The following LITAF variants were observed in gnomAD, a reference collection of about 807,000 sequenced individuals.
LITAF encodes lipopolysaccharide induced TNF factor.
A neutral mutation model predicts 14.5 loss-of-function variants in LITAF; 9 were observed. The ratio of observed to expected loss-of-function variants is 0.62; its 90% confidence interval spans 0.37 to 1.08. The LOEUF is 1.08. Ranked by LOEUF, LITAF falls within the 50% of genes least tolerant of loss-of-function variation. The pLI, the probability that LITAF is intolerant of heterozygous loss-of-function variation, is 0.01. For missense variants in LITAF, 206 were observed against 213.4 expected, an observed-to-expected ratio of 0.97 and a Z score of 0.22; for synonymous variants, 98 against 88.2, an observed-to-expected ratio of 1.11 and a Z score of -0.62.
chr16:11,572,937 T>TTG (rs1225955859), intron 1 of LITAF, among the ~76,000 whole-genome samples: 1 of 151,298 alleles, frequency 6.6e-6, no homozygotes, highest in Non-Finnish European at 1.5e-5. Flanking sequence ...AAGCTCTTTT[T>TTG]TTTTTTTTTG....
intron 3 of LITAF, among the ~76,000 whole-genome samples, chr16:11,621,476 A>T (rs569903846): frequency 3.9e-5 from 6 of 152,302 alleles, no homozygotes; most frequent in African/African-American, 1.2e-4. Context: ...AAGTGCTGGG[A>T]TTACAGGCAT....
upstream of LITAF, among the ~76,000 whole-genome samples, chr16:11,591,064 G>C (rs752827682): frequency 2.4e-4 from 28 of 118,472 alleles, 7 homozygotes; most frequent in Non-Finnish European, 4.7e-4. Flanking sequence ...CAAAATTCCA[G>C]CTGCCTTTTT....
chr16:11,595,712 G>C (rs1034860177), intron 1 of LITAF, among the ~76,000 whole-genome samples: 1 of 152,182 alleles, frequency 6.6e-6, no homozygotes, highest in South Asian at 2.1e-4. Context: ...CTGGGCGACA[G>C]AGTGAGACTC....
chr16:11,556,036 G>A lies in LITAF; in HGVS notation c.220+475C>T, dbSNP rs146969051. ...CCTTGGGCGGAAGGAAGCACCAAAG[G>A]ACAGGGACCATCTAGTTGCTCAAAA... is the stretch of plus-strand genomic sequence containing the variant. On this transcript the variant is annotated intron_variant, in intron 2 of 3. Transcript: ENST00000622633. Among the ~76,000 whole-genome samples the A allele has an allele frequency of 9.8e-5, 15 of 152,310 alleles. No individual in the cohort carries two copies. The East Asian group carries it at 2.9e-3, about 29-fold the overall frequency.
At chr16:11,563,181 C>T (rs1376638743) in intron 1 of LITAF, among the ~76,000 whole-genome samples, 1 of 151,832 alleles carries the variant, frequency 6.6e-6, no homozygotes, top group African/African-American at 2.4e-5. Flanking sequence ...CAGAGTCTCA[C>T]TCTGTCGCCT....
chr16:11,594,171 G>C (rs535490100), intron 1 of LITAF, among the ~76,000 whole-genome samples: 2 of 144,338 alleles, frequency 1.4e-5, no homozygotes, highest in South Asian at 4.3e-4. Context: ...GGGTGACAAA[G>C]TGAGACCCTG....
At chr16:11,603,694 T>C (rs1415936190) in intron 3 of LITAF, among the ~76,000 whole-genome samples, 2 of 152,188 alleles carry the variant, frequency 1.3e-5, no homozygotes, top group Non-Finnish European at 2.9e-5. Context: ...TGCAATTGTG[T>C]TTCCAGCTTA....
chr16:11,612,538 G>A (rs971875332), intron 3 of LITAF, among the ~76,000 whole-genome samples: 1 of 152,260 alleles, frequency 6.6e-6, no homozygotes, highest in Non-Finnish European at 1.5e-5. Context: ...AAACTGCACT[G>A]CATGCGGCCA....
At chr16:11,584,386 T>A (rs575749369) in intron 1 of LITAF, 1 of 152,310 alleles carries the variant, frequency 6.6e-6, no homozygotes, top group African/African-American at 2.4e-5. Context: ...ATTCTCAAAG[T>A]GCTATTATAC....
intron 1 of LITAF, among the ~76,000 whole-genome samples, chr16:11,571,849 G>T (rs1295618276): frequency 2.6e-5 from 4 of 152,130 alleles, no homozygotes; most frequent in Non-Finnish European, 4.4e-5. Flanking sequence ...TGTAGTCCCA[G>T]CACTTTGGGA....
intron 3 of LITAF, among the ~76,000 whole-genome samples, chr16:11,617,322 T>C (rs1306569087): frequency 6.6e-6 from 1 of 151,970 alleles, no homozygotes; most frequent in Non-Finnish European, 1.5e-5. Context: ...TGTATGAAAA[T>C]GTCCCCCAGG....
At chr16:11,619,368 C>T (rs2065036588) in intron 3 of LITAF, among the ~76,000 whole-genome samples, 1 of 151,960 alleles carries the variant, frequency 6.6e-6, no homozygotes, top group African/African-American at 2.4e-5. Context: ...GACACATCTC[C>T]ACATGGCATG....
At chr16:11,620,275 A>T (rs1199970674) in intron 3 of LITAF, among the ~76,000 whole-genome samples, 2 of 152,096 alleles carry the variant, frequency 1.3e-5, no homozygotes, top group African/African-American at 2.4e-5. Flanking sequence ...ATCCCCCATG[A>T]TTGGCTTGGG....
chr16:11,569,439 G>A (rs1438318335), intron 1 of LITAF, among the ~76,000 whole-genome samples: 1 of 151,766 alleles, frequency 6.6e-6, no homozygotes, highest in Non-Finnish European at 1.5e-5. Flanking sequence ...ATGAGGTCTC[G>A]CCATGTTGCC....
Position 11,553,953 on chromosome 16 carries a change from G to A in LITAF, c.221-264C>T, listed in dbSNP as rs531370494. Among the ~76,000 whole-genome samples the A allele has an allele frequency of 1.1e-4, 16 of 152,246 alleles. No homozygotes were observed. Among genetic ancestry groups the A allele is most frequent in the African/African-American group, 2.2e-4 (9 of 41,556 alleles). Reference sequence around the variant, plus strand: ...TCAGCCTCAAAAAGAAAGGAGGACCGGGCGCGGTAGCTCATGCCTGTAATC... The same window carrying A: ...TCAGCCTCAAAAAGAAAGGAGGACCAGGCGCGGTAGCTCATGCCTGTAATC... On this transcript the variant is annotated intron_variant, in intron 2 of 3. Transcript: ENST00000622633. This position sits in a 1 kb window ranked among gnomAD's most constrained non-coding sequence, Gnocchi z 7.7.
At chr16:11,622,038 C>A (rs927729005) in intron 3 of LITAF, among the ~76,000 whole-genome samples, 2 of 152,160 alleles carry the variant, frequency 1.3e-5, no homozygotes, top group East Asian at 3.9e-4. Context: ...AAACAAAACA[C>A]GTCTGCAGGC....
chr16:11,587,195 ATCCT>A (rs2064817848), upstream of LITAF: 8 of 332,248 alleles, frequency 2.4e-5, no homozygotes, highest in South Asian at 1.7e-4. Context: ...CCACTCTCCT[ATCCT>A]GCCCCTGCCT....
intron 1 of LITAF, among the ~76,000 whole-genome samples, chr16:11,570,541 A>C (rs892952686): frequency 1.3e-5 from 2 of 152,132 alleles, no homozygotes; most frequent in Non-Finnish European, 2.9e-5. Flanking sequence ...ATGCTCCCCA[A>C]AATTGTTCAC....
intron 1 of LITAF, among the ~76,000 whole-genome samples, chr16:11,585,782 A>C (rs1183077571): frequency 6.6e-6 from 1 of 152,048 alleles, no homozygotes; most frequent in Non-Finnish European, 1.5e-5. Flanking sequence ...AAGGGGAGGG[A>C]GGCATCCTCT....
Sources: gnomAD v4.1 joint callset for allele counts (sites outside exome capture counted in the v4.1 genomes callset) on GRCh38, gnomAD v4.1.1 for gene constraint, Gnocchi (gnomAD v3.1) non-coding constraint, MANE v1.5 for transcripts, NCBI Gene and HGNC (gene_info 2026-07-23, HGNC 2026-07-21) for gene names.